Variants in THBS4 observed in about 807,000 individuals in gnomAD.
THBS4 encodes the protein thrombospondin 4.
A neutral mutation model predicts 115.7 loss-of-function variants in THBS4; 90 were observed. That is an observed-to-expected ratio of 0.78 (90% CI 0.66 to 0.93). THBS4 has a LOEUF of 0.93. Among genes scored for constraint, THBS4 ranks in the 40% least tolerant of loss-of-function variants. The pLI is 0.00. For synonymous variants in THBS4, 460 were observed against 479.3 expected, an observed-to-expected ratio of 0.96 and a Z score of 0.53; for missense variants, 1,087 against 1,232.7, an observed-to-expected ratio of 0.88 and a Z score of 1.77.
In THBS4 at chr5:80,077,039, G is replaced by A; in HGVS notation, c.2077G>A (p.Asp693Asn). The A allele has an allele frequency of 1.2e-6, 2 of 1,602,480 alleles. No individual in the cohort carries two copies. Among genetic ancestry groups the A allele is most frequent in the Non-Finnish European group, 1.7e-6 (2 of 1,173,872 alleles). The change falls in exon 16 of 22, where the codon GAT (aspartate) becomes AAT (asparagine). Residue 693 changes from aspartate (D) to asparagine (N), a missense_variant. Physicochemically the swap from Asp to Asn is conservative, Grantham distance 23. Coordinates refer to ENST00000350881, the MANE Select transcript of THBS4 (RefSeq NM_003248.6). ...GCTGGTCCCCAACCCAGCCCAGGAGGATAGCAACAGTAAGCAGGCTCAGCC... is the reference window on the plus strand; with the variant it reads ...GCTGGTCCCCAACCCAGCCCAGGAGAATAGCAACAGTAAGCAGGCTCAGCC... ...CRLVPNPAQE[D>N]SNSDGVGDIC...
intron 2 of THBS4, among the ~76,000 whole-genome samples, chr5:80,046,195 C>T (rs1176550222): frequency 6.6e-6 from 1 of 152,078 alleles, no homozygotes; most frequent in African/African-American, 2.4e-5. Context: ...TCTGTCTTAC[C>T]CATCAAGGGG....
At chr5:80,014,370 A>C (rs1003363170) in intron 2 of THBS4, among the ~76,000 whole-genome samples, 2 of 152,228 alleles carry the variant, frequency 1.3e-5, no homozygotes, top group Non-Finnish European at 2.9e-5. Context: ...CAACAGAGGT[A>C]CTGATGATTC....
Position 80,079,235 on chromosome 5 carries a change from G to T in THBS4, c.2488G>T (p.Ala830Ser). ...GCAAGCCACCCCATTCCGAGCAGTT[G>T]CAGAACCTGGCATTCAGCTCAAGGT... ...YWQATPFRAVAEPGIQLKAVK... is the reference protein window; with the variant it reads ...YWQATPFRAVSEPGIQLKAVK... The change falls in exon 19 of 22, where the codon GCA (alanine) becomes TCA (serine). Residue 830 changes from alanine to serine, a missense_variant. Physicochemically the swap from Ala to Ser is moderately conservative, Grantham distance 99. Transcript: ENST00000350881. 2 of 1,611,952 alleles carry T rather than the reference G, an allele frequency of 1.2e-6. No homozygotes were observed. The highest frequency in any genetic ancestry group is 8.5e-7 in the Non-Finnish European group (1 of 1,178,712).
rs1832700911 is a variant in THBS4, at chr5:80,035,786, T to G, written c.88+161T>G. On this transcript the variant is annotated intron_variant, in intron 1 of 21. Coordinates refer to ENST00000350881, the MANE Select transcript of THBS4 (RefSeq NM_003248.6). This position sits in a 1 kb window ranked among gnomAD's most constrained non-coding sequence, Gnocchi z 4.6. ...AGCATATTGTGATTGGAGGTAGTGA[T>G]TAGTCTAGAATTTTCCGAAATTCGA... 6.6e-6 allele frequency among the ~76,000 whole-genome samples: 1 copy of G among 152,180 alleles called. No individual in the cohort carries two copies. Among genetic ancestry groups the G allele is most frequent in the Admixed American group, 6.5e-5 (1 of 15,290 alleles).
At position 80,079,371 on chromosome 5, in the gene THBS4, TA is replaced by T. The variant is rs370832725; in HGVS notation, c.2511+114del. ...TTAATCTAAAAAAAATTGATGCATT[TA>T]TGCTAACGTTAGAGTCAGGGAAGAC... On this transcript the variant is annotated intron_variant, in intron 19 of 21. Coordinates refer to ENST00000350881, the MANE Select transcript of THBS4 (RefSeq NM_003248.6). 2.0e-5 allele frequency: 23 copies of T among 1,162,912 alleles called. No homozygotes were observed. The African/African-American group carries it at 3.3e-4, about 16-fold the overall frequency. 72.0% of individuals were successfully genotyped at this position (1,162,912 alleles called of 1,614,324 possible).
chr5:80,032,187 A>G (rs1468244456), upstream of THBS4, among the ~76,000 whole-genome samples: 1 of 152,234 alleles, frequency 6.6e-6, no homozygotes. Context: ...AGCTAATTAA[A>G]TTAATTTTAT....
chr5:80,013,062 T>C (rs1832159501), intron 2 of THBS4, among the ~76,000 whole-genome samples: 1 of 152,210 alleles, frequency 6.6e-6, no homozygotes, highest in African/African-American at 2.4e-5. Flanking sequence ...CAAGGGATCC[T>C]CAAAACAAGG....
intron 1 of THBS4, among the ~76,000 whole-genome samples, chr5:80,036,384 G>C: frequency 6.6e-6 from 1 of 152,148 alleles, no homozygotes; most frequent in East Asian, 1.9e-4. Context: ...AAAAGTAGGG[G>C]GGAAGGTTGG....
Position 80,059,430 on chromosome 5 carries a change from A to G in THBS4, c.733-10A>G, listed in dbSNP as rs2112096822. 1 of 1,612,392 alleles carries G rather than the reference A, an allele frequency of 6.2e-7. No individual in the cohort carries two copies. The highest frequency in any genetic ancestry group is 8.5e-7 in the Non-Finnish European group (1 of 1,179,596). ...TTTTCAATCCTTTTTTCCCCTTCTC[A>G]TTTTTAAAGGTTAAGGAAACATCAT... is the stretch of plus-strand genomic sequence containing the variant. On this transcript the variant is annotated splice_polypyrimidine_tract_variant and intron_variant, in intron 5 of 21. Coordinates refer to ENST00000350881, the MANE Select transcript of THBS4 (RefSeq NM_003248.6).
At position 80,078,943 on chromosome 5, in the gene THBS4, TGAACA is replaced by T. The variant is rs779104751; in HGVS notation, c.2290_2294del (p.Asn764Ter). On this transcript the variant is annotated frameshift_variant, in exon 18 of 22. Transcript: ENST00000350881. LOFTEE classifies it high-confidence loss of function. Reference sequence around the variant, plus strand: ...CAGGGCATGGAGATTGTACAGACCATGAACAGTGATCCTGGCCTGGCAGTGGGTAT... The same window carrying T: ...CAGGGCATGGAGATTGTACAGACCATGTGATCCTGGCCTGGCAGTGGGTAT... 1.2e-6 allele frequency: 2 copies of T among 1,614,192 alleles called. No individual in the cohort carries two copies. The highest frequency in any genetic ancestry group is 1.7e-6 in the Non-Finnish European group (2 of 1,180,012).
Position 80,006,318 on chromosome 5 carries a change from C to A in THBS4, n.177+7891C>A, listed in dbSNP as rs752443314. On this transcript the variant is annotated intron_variant and non_coding_transcript_variant, in intron 2 of 3. Transcript: ENST00000510218. ...AGGAGAATCATGGGGGTGCTTTCCC[C>A]TGTACTGTTCTCATGGTAGTGAATA... 5.1e-4 allele frequency among the ~76,000 whole-genome samples: 78 copies of A among 152,236 alleles called. No individual in the cohort carries two copies. The Middle Eastern group carries it at 0.01, about 20-fold the overall frequency.
rs140954796 is a variant in THBS4, at chr5:80,083,117, G to C, written c.2862G>C (p.Gln954His). The change falls in exon 22 of 22, where the codon CAG (glutamine) becomes CAC (histidine). Residue 954 changes from glutamine (Q) to histidine (H), a missense_variant. Around this residue, in one of 3 missense-constraint regions of THBS4, gnomAD observed 103 missense variants for 108.2 expected, o/e 0.95. Coordinates refer to ENST00000350881, the MANE Select transcript of THBS4 (RefSeq NM_003248.6). ...IPEDFQEFQT[Q>H]NFDRFDN ...AGGACTTCCAAGAGTTTCAAACCCA[G>C]AATTTCGACCGCTTCGATAATTAAA... The C allele has an allele frequency of 1.0e-3, 1,672 of 1,614,078 alleles. 8 individuals are homozygous for C. Among genetic ancestry groups the C allele is most frequent in the Middle Eastern group, 8.6e-3 (52 of 6,062 alleles).
At chr5:80,013,432 C>G (rs914334345) in intron 2 of THBS4, among the ~76,000 whole-genome samples, 7 of 152,168 alleles carry the variant, frequency 4.6e-5, no homozygotes, top group Admixed American at 4.6e-4. Flanking sequence ...AGCCACCATG[C>G]CTGGCCAAAT....
intron 2 of THBS4, among the ~76,000 whole-genome samples, chr5:80,041,299 C>T (rs1030605340): frequency 1.3e-5 from 2 of 152,202 alleles, no homozygotes; most frequent in African/African-American, 4.8e-5. Context: ...GCCACACCCT[C>T]AGGACCTCAT....
At chr5:80,021,712 G>A (rs575598372) in intron 2 of THBS4, among the ~76,000 whole-genome samples, 1 of 152,154 alleles carries the variant, frequency 6.6e-6, no homozygotes, top group Admixed American at 6.5e-5. Context: ...GTAGAGACGG[G>A]GTCTGTGTTG....
In THBS4 at chr5:80,058,357, C is replaced by T. The variant is rs548260913; in HGVS notation, c.649+43C>T. Reference sequence around the variant, plus strand: ...GTTTGCATGCCTTCATCAACACAAACTCCAAAGACCCTGAATAGGCTGGGT... The same window carrying T: ...GTTTGCATGCCTTCATCAACACAAATTCCAAAGACCCTGAATAGGCTGGGT... On this transcript the variant is annotated intron_variant, in intron 4 of 21. Coordinates refer to ENST00000350881, the MANE Select transcript of THBS4 (RefSeq NM_003248.6). 2.1e-6 allele frequency: 3 copies of T among 1,428,802 alleles called. No individual in the cohort carries two copies. The African/African-American group carries it at 4.2e-5, about 20-fold the overall frequency. 88.5% of individuals were successfully genotyped at this position (1,428,802 alleles called of 1,614,324 possible).
At chr5:80,031,422 A>G (rs373409981), upstream of THBS4, among the ~76,000 whole-genome samples, 1 of 152,252 alleles carries the variant, frequency 6.6e-6, no homozygotes, top group Non-Finnish European at 1.5e-5. Flanking sequence ...TACAACAATT[A>G]GAAAAGAAAT....
intron 10 of THBS4, among the ~76,000 whole-genome samples, chr5:80,068,349 AC>A (rs1472850339): frequency 6.6e-6 from 1 of 152,130 alleles, no homozygotes; most frequent in African/African-American, 2.4e-5. Flanking sequence ...CTGGGGGGCA[AC>A]CCTGTCCACT....
intron 2 of THBS4, among the ~76,000 whole-genome samples, chr5:80,054,366 G>C (rs1196342068): frequency 6.7e-6 from 1 of 149,648 alleles, no homozygotes; most frequent in Non-Finnish European, 1.5e-5. Context: ...TGTCACCCAG[G>C]CTGGAGTGCA....
Sources: allele counts gnomAD v4.1 joint callset (sites outside exome capture counted in the v4.1 genomes callset), GRCh38; gene constraint gnomAD v4.1.1; regional missense constraint gnomAD v4.1.1; non-coding constraint Gnocchi (gnomAD v3.1); transcripts MANE v1.5; gene names NCBI Gene and HGNC (gene_info 2026-07-23, HGNC 2026-07-21).